TTC27: variants seen among roughly 807,000 people sequenced by gnomAD.
The protein encoded by TTC27 is tetratricopeptide repeat protein 27.
Under a neutral mutation model 115.9 loss-of-function variants are expected in TTC27, and 79 were observed. The ratio of observed to expected loss-of-function variants is 0.68; its 90% CI spans 0.57 to 0.82. The LOEUF is 0.82. Among genes scored for constraint, TTC27 ranks in the 40% least tolerant of loss-of-function variants. The pLI, the probability that TTC27 is intolerant of heterozygous loss-of-function variation, is 0.00. For synonymous variants in TTC27, 401 were observed against 356.0 expected, an observed-to-expected ratio of 1.13 and a Z score of -1.42; for missense variants, 1,054 against 993.1, an observed-to-expected ratio of 1.06 and a Z score of -0.82.
At chr2:32,717,571 T>C (rs1667796276) in intron 10 of TTC27, among the ~76,000 whole-genome samples, 2 of 152,202 alleles carry the variant, frequency 1.3e-5, no homozygotes, top group African/African-American at 4.8e-5. Context: ...ATTGCCTCAT[T>C]GTGTAACTTT....
intron 12 of TTC27, among the ~76,000 whole-genome samples, chr2:32,738,546 A>C (rs1008929546): frequency 2.0e-5 from 3 of 152,200 alleles, no homozygotes; most frequent in Non-Finnish European, 2.9e-5. Flanking sequence ...GTGCATGTGA[A>C]AGCTAATGAT....
intron 4 of TTC27, among the ~76,000 whole-genome samples, chr2:32,640,665 C>T (rs1378335596): frequency 6.6e-6 from 1 of 151,770 alleles, no homozygotes; most frequent in Admixed American, 6.6e-5. Flanking sequence ...TGTTCATTTG[C>T]AGAAATCTTA....
chr2:32,714,227 C>T lies in TTC27; in HGVS notation c.1233+11307C>T, dbSNP rs558361969. ...AGGCTGGAGTGCAGTGGTACCATCT[C>T]GGCTCACTGAAAGCTCCACCTCCCG... On this transcript the variant is annotated intron_variant, in intron 10 of 19. Transcript: ENST00000317907. Among the ~76,000 whole-genome samples the T allele has an allele frequency of 2.0e-4, 29 of 148,078 alleles. No individual in the cohort carries two copies. In the East Asian group the frequency reaches 4.6e-3, roughly 24 times the overall value.
chr2:32,780,249 G>C, intron 14 of TTC27: 1 of 277,156 alleles, frequency 3.6e-6, no homozygotes. Flanking sequence ...AATAAGGGGA[G>C]TACTGCCATC....
At chr2:32,793,351 G>A (rs926035243) in intron 16 of TTC27, among the ~76,000 whole-genome samples, 1 of 152,132 alleles carries the variant, frequency 6.6e-6, no homozygotes. Context: ...ATAAACAAAA[G>A]TTAAGGAAGT....
At chr2:32,672,227 A>G in intron 7 of TTC27, 45 bp from the exon 8 acceptor site, 1 of 1,441,728 alleles carries the variant, frequency 6.9e-7, no homozygotes, top group Non-Finnish European at 9.7e-7. Flanking sequence ...GTGAATGAAT[A>G]AAATTTAATT....
At chr2:32,752,513 A>G (rs546760483) in intron 12 of TTC27, among the ~76,000 whole-genome samples, 105 of 152,310 alleles carry the variant, frequency 6.9e-4, no homozygotes, top group African/African-American at 2.5e-3. Flanking sequence ...AAAATTTCTG[A>G]TGAATATCTT....
Position 32,633,943 on chromosome 2 carries a change from C to T in TTC27, c.334C>T (p.Pro112Ser), listed in dbSNP as rs769247042. 81 of 1,613,816 alleles carry T rather than the reference C, an allele frequency of 5.0e-5. No homozygotes were observed. The highest frequency in any genetic ancestry group is 6.4e-5 in the Non-Finnish European group (75 of 1,179,922). ...QLFVQSNWTG[P>S]PVDLHPQDFL... ...TTTTGTTCAGAGCAACTGGACGGGG[C>T]CCCCTGTTGACTTACACCCTCAGGA... The change falls in exon 3 of 20, where the codon CCC (proline) becomes TCC (serine). Residue 112 changes from proline (P) to serine (S), a missense_variant. Physicochemically the swap from Pro to Ser is moderately conservative, Grantham distance 74. Coordinates refer to ENST00000317907, the MANE Select transcript of TTC27 (RefSeq NM_017735.5).
intron 12 of TTC27, among the ~76,000 whole-genome samples, chr2:32,756,146 C>G (rs190391277): frequency 1.6e-3 from 238 of 152,332 alleles, no homozygotes; most frequent in African/African-American, 5.4e-3. Flanking sequence ...TGTTTAATTA[C>G]AGACCACTAC....
intron 4 of TTC27, among the ~76,000 whole-genome samples, chr2:32,642,777 C>G (rs1664702002): frequency 6.6e-6 from 1 of 151,924 alleles, no homozygotes; most frequent in Non-Finnish European, 1.5e-5. Flanking sequence ...AAGCCATCCT[C>G]CCACCTCAGC....
chr2:32,709,351 A>T (rs949845652), intron 10 of TTC27, among the ~76,000 whole-genome samples: 6 of 152,196 alleles, frequency 3.9e-5, no homozygotes, highest in Admixed American at 2.0e-4. Flanking sequence ...TATGGTTAAT[A>T]TCACTGGTGA....
At position 32,758,452 on chromosome 2, in the gene TTC27, T is replaced by G; in HGVS notation, c.1613T>G (p.Leu538Arg). ...CAGCGCTCCAAAGCCCTCCTTCATC[T>G]TCGGAACAAGGAGTTTCAAGAGTGT... ...RAQRSKALLH[L>R]RNKEFQECVE... The change falls in exon 13 of 20, where the codon CTT becomes CGT. Residue 538 changes from leucine to arginine, a missense_variant. Coordinates refer to ENST00000317907, the MANE Select transcript of TTC27 (RefSeq NM_017735.5). 1 of 1,614,168 alleles carries G rather than the reference T, an allele frequency of 6.2e-7. No homozygotes were observed. Among genetic ancestry groups the G allele is most frequent in the Non-Finnish European group, 8.5e-7 (1 of 1,180,008 alleles).
At chr2:32,689,384 A>G (rs999467969) in intron 9 of TTC27, among the ~76,000 whole-genome samples, 4 of 152,142 alleles carry the variant, frequency 2.6e-5, no homozygotes, top group Admixed American at 6.5e-5. Flanking sequence ...AAGATTATCA[A>G]TATAGACTTG....
intron 1 of TTC27, among the ~76,000 whole-genome samples, chr2:32,629,956 T>G (rs73922767): frequency 1.4e-3 from 210 of 152,294 alleles, no homozygotes; most frequent in African/African-American, 4.9e-3. Context: ...GTTTGAACTT[T>G]GGTGGCCTGG....
chr2:32,698,159 T>A (rs1667056115), intron 9 of TTC27, among the ~76,000 whole-genome samples: 1 of 152,118 alleles, frequency 6.6e-6, no homozygotes, highest in African/African-American at 2.4e-5. Flanking sequence ...TGATACAGGG[T>A]CTCACTCTGT....
At chr2:32,723,486 T>C (rs951824275) in intron 10 of TTC27, among the ~76,000 whole-genome samples, 6 of 152,014 alleles carry the variant, frequency 3.9e-5, no homozygotes, top group African/African-American at 1.2e-4. Flanking sequence ...CAGGTACACA[T>C]AGAACAGAGG....
intron 13 of TTC27, among the ~76,000 whole-genome samples, chr2:32,777,111 C>G (rs2148012360): frequency 6.6e-6 from 1 of 152,326 alleles, no homozygotes; most frequent in East Asian, 1.9e-4. Flanking sequence ...TTCTGAACCT[C>G]CTTTTTCTAA....
At chr2:32,798,253 A>T (rs752765019) in intron 16 of TTC27, among the ~76,000 whole-genome samples, 1 of 148,222 alleles carries the variant, frequency 6.7e-6, no homozygotes, top group Non-Finnish European at 1.5e-5. Flanking sequence ...AAAAATACAA[A>T]AAAATGAATG....
At chr2:32,696,123 CAA>C (rs1156644913) in intron 9 of TTC27, among the ~76,000 whole-genome samples, 13 of 126,242 alleles carry the variant, frequency 1.0e-4, no homozygotes, top group Admixed American at 1.6e-4. Context: ...GACTCTACCT[CAA>C]AAAAAAAAAA....
Sources: allele counts gnomAD v4.1 joint callset (sites outside exome capture counted in the v4.1 genomes callset), GRCh38; gene constraint gnomAD v4.1.1; transcripts MANE v1.5; gene names NCBI Gene and HGNC (gene_info 2026-07-23, HGNC 2026-07-21).